The following SGCD variants were observed in gnomAD, a reference collection of about 807,000 sequenced individuals.
SGCD encodes the protein sarcoglycan delta, also known as delta-sarcoglycan.
Under a neutral mutation model 36.6 loss-of-function variants are expected in SGCD, and 18 were observed. That is an observed-to-expected ratio of 0.49 (90% CI 0.34 to 0.73). The LOEUF is 0.73. Ranked by LOEUF, SGCD falls within the 30% of genes least tolerant of loss-of-function variation. The probability of loss-of-function intolerance (pLI) is 0.01; values close to 1 mark genes in which losing one functional copy is unlikely to be tolerated. For missense variants in SGCD, 387 were observed against 346.7 expected (o/e 1.12, Z -0.92); for synonymous variants, 133 against 130.6 (o/e 1.02, Z -0.12).
chr5:156,476,344 G>C (rs999230780), intron 3 of SGCD, among the ~76,000 whole-genome samples: 2 of 152,190 alleles, frequency 1.3e-5, no homozygotes, highest in Admixed American at 1.3e-4. Flanking sequence ...GAAAGGAGCT[G>C]ACTGTGCATA....
At chr5:156,165,562 T>C (rs1329722743) in intron 3 of SGCD, among the ~76,000 whole-genome samples, 3 of 152,220 alleles carry the variant, frequency 2.0e-5, no homozygotes, top group South Asian at 2.1e-4. Context: ...ATTTGTACTA[T>C]ATACTGCTTA....
At chr5:156,597,706 TG>T (rs1361743015) in intron 6 of SGCD, among the ~76,000 whole-genome samples, 1 of 152,186 alleles carries the variant, frequency 6.6e-6, no homozygotes, top group Non-Finnish European at 1.5e-5. Flanking sequence ...CTGTGTCCTC[TG>T]GGGACTGCTT....
chr5:156,013,729 T>C (rs1362535646), intron 1 of SGCD, among the ~76,000 whole-genome samples: 2 of 152,182 alleles, frequency 1.3e-5, no homozygotes, highest in Non-Finnish European at 2.9e-5. Flanking sequence ...CGTTTTATCT[T>C]CCATAACTGA....
Position 155,875,683 on chromosome 5 carries a change from C to G in SGCD, c.-282+5259C>G, listed in dbSNP as rs181250550. Among the ~76,000 whole-genome samples, 76 of 151,412 alleles carry G rather than the reference C, an allele frequency of 5.0e-4. No individual in the cohort carries two copies. In the East Asian group the frequency reaches 0.014, roughly 28 times the overall value. The stretch of plus-strand genomic sequence containing the variant: ...TTAGTTGTTATGGTATTTTTACCCC[C>G]TCTTTATAGCCTTAATAGTAACTGC... On this transcript the variant is annotated intron_variant, in intron 1 of 9. Coordinates refer to the SGCD transcript ENST00000517913.
chr5:156,071,354 G>C (rs1456508515), intron 1 of SGCD, among the ~76,000 whole-genome samples: 3 of 152,164 alleles, frequency 2.0e-5, no homozygotes, highest in Non-Finnish European at 4.4e-5. Context: ...TGGTTTCAAA[G>C]AACATCTTTA....
intron 3 of SGCD, among the ~76,000 whole-genome samples, chr5:156,241,687 A>G (rs756076690): frequency 1.1e-4 from 16 of 152,164 alleles, no homozygotes; most frequent in Non-Finnish European, 2.2e-4. Flanking sequence ...GAAATATCCA[A>G]TTTGCTGAGG....
intron 3 of SGCD, among the ~76,000 whole-genome samples, chr5:156,289,179 A>G (rs1455547837): frequency 2.6e-5 from 4 of 152,160 alleles, no homozygotes; most frequent in African/African-American, 7.2e-5. Context: ...GTGGATATTC[A>G]TAGCACACAT....
At chr5:156,365,934 G>A (rs1482834656) in intron 3 of SGCD, among the ~76,000 whole-genome samples, 3 of 152,080 alleles carry the variant, frequency 2.0e-5, no homozygotes, top group South Asian at 2.1e-4. Flanking sequence ...AAATGTGTAT[G>A]TATGTATGCA....
intron 7 of SGCD, among the ~76,000 whole-genome samples, chr5:156,737,708 A>G (rs1202805717): frequency 6.6e-6 from 1 of 152,146 alleles, no homozygotes; most frequent in East Asian, 1.9e-4. Flanking sequence ...AGTGCAGGAG[A>G]TCTCTTACAT....
At chr5:156,657,276 A>G (rs1763725258) in intron 7 of SGCD, among the ~76,000 whole-genome samples, 1 of 150,778 alleles carries the variant, frequency 6.6e-6, no homozygotes, top group South Asian at 2.1e-4. Context: ...ATTAAGTTTT[A>G]GGGTACATGT....
intron 3 of SGCD, among the ~76,000 whole-genome samples, chr5:156,127,086 T>A (rs1293193291): frequency 3.3e-5 from 5 of 152,190 alleles, no homozygotes; most frequent in Non-Finnish European, 7.3e-5. Context: ...AGAATATTAA[T>A]GACCCATATG....
chr5:156,629,636 C>T (rs927083643), intron 6 of SGCD, among the ~76,000 whole-genome samples: 29 of 152,080 alleles, frequency 1.9e-4, no homozygotes, highest in Non-Finnish European at 4.4e-5. Context: ...CACAAAGGGC[C>T]AGATAGTAAA....
chr5:156,716,025 G>A (rs1415345409), intron 7 of SGCD, among the ~76,000 whole-genome samples: 3 of 152,180 alleles, frequency 2.0e-5, no homozygotes, highest in East Asian at 1.9e-4. Flanking sequence ...AGAAAAGAAC[G>A]TGTATTGCCG....
rs144460978 is a variant in SGCD at position 155,996,143 on chromosome 5, G to A, written c.-281-121735G>A. Among the ~76,000 whole-genome samples, 9 of 152,096 alleles carry A rather than the reference G, an allele frequency of 5.9e-5. No individual in the cohort carries two copies. In the East Asian group the frequency reaches 1.2e-3, roughly 20 times the overall value. ...TTTTTAACATTTGTCTTAGGTTCAG[G>A]GTTAGTTCAGGTTCAGGTGCAGGTT... On this transcript the variant is annotated intron_variant, in intron 1 of 9. Transcript: ENST00000517913.
intron 7 of SGCD, among the ~76,000 whole-genome samples, chr5:156,723,081 CT>C (rs1342843432): frequency 2.0e-5 from 3 of 152,182 alleles, no homozygotes; most frequent in Non-Finnish European, 4.4e-5. Flanking sequence ...GGGTTAAAAG[CT>C]TCTGTAATGC....
chr5:156,122,545 A>G (rs138349404), intron 2 of SGCD, among the ~76,000 whole-genome samples: 3 of 152,146 alleles, frequency 2.0e-5, no homozygotes, highest in South Asian at 4.1e-4. Context: ...AAAGGCTCCT[A>G]ATAGAATCAG....
chr5:155,948,544 A>G (rs1486701911), intron 1 of SGCD, among the ~76,000 whole-genome samples: 1 of 152,180 alleles, frequency 6.6e-6, no homozygotes, highest in Non-Finnish European at 1.5e-5. Context: ...TGGCTTCCCT[A>G]TAGCATAGCC....
chr5:156,487,756 C>CCAG (rs1383480812), intron 3 of SGCD, among the ~76,000 whole-genome samples: 1 of 123,422 alleles, frequency 8.1e-6, no homozygotes, highest in East Asian at 2.6e-4. Context: ...CCACTGCACT[C>CCAG]CAGCCTGGGC....
intron 7 of SGCD, among the ~76,000 whole-genome samples, chr5:156,676,215 G>A (rs32080): frequency 0.78 from 118,524 of 152,124 alleles, 47,110 homozygotes; most frequent in South Asian, 0.89. Context: ...AGCCAATTGA[G>A]TACCTATTTT....
Sources: gnomAD v4.1 joint callset for allele counts (sites outside exome capture counted in the v4.1 genomes callset) on GRCh38, gnomAD v4.1.1 for gene constraint, MANE v1.5 for transcripts, NCBI Gene and HGNC (gene_info 2026-07-23, HGNC 2026-07-21) for gene names.